COL4A3: variants seen among roughly 807,000 people sequenced by gnomAD.
COL4A3 encodes the protein collagen alpha-3(IV) chain.
Under a neutral mutation model 217.4 loss-of-function variants are expected in COL4A3, and 135 were observed. The ratio of observed to expected loss-of-function variants is 0.62; its 90% confidence interval spans 0.54 to 0.72. The LOEUF is 0.72. COL4A3 is among the 30% of genes least tolerant of loss of function. The probability of loss-of-function intolerance (pLI) is 0.00; values close to 1 mark genes in which losing one functional copy is unlikely to be tolerated. For synonymous variants in COL4A3, 690 were observed against 736.3 expected (o/e 0.94, Z 1.02); for missense variants, 1,868 against 2,119.9 (o/e 0.88, Z 2.33).
At chr2:227,261,613 T>C (rs1011636075) in intron 20 of COL4A3, among the ~76,000 whole-genome samples, 2 of 152,220 alleles carry the variant, frequency 1.3e-5, no homozygotes, top group Admixed American at 1.3e-4. Context: ...TACAAACTGA[T>C]ACAGAAATGC....
At chr2:227,298,473 G>A (rs1036174829) in intron 42 of COL4A3, among the ~76,000 whole-genome samples, 15 of 152,198 alleles carry the variant, frequency 9.9e-5, no homozygotes, top group African/African-American at 3.4e-4. Flanking sequence ...CCCTCACTGG[G>A]GAGAAGCAGA....
chr2:227,266,590 C>A, intron 22 of COL4A3, 81 bp downstream of exon 22: 1 of 1,051,812 alleles, frequency 9.5e-7, no homozygotes, highest in South Asian at 1.3e-5. Context: ...CCTGAGATAA[C>A]AATGATCCCA....
chr2:227,311,261 A>G (rs1001169001), intron 51 of COL4A3, among the ~76,000 whole-genome samples: 4 of 152,144 alleles, frequency 2.6e-5, no homozygotes, highest in Admixed American at 1.3e-4. Flanking sequence ...ATCAAGGCCT[A>G]TGTTTCTTTA....
At chr2:227,294,606 G>A in intron 39 of COL4A3, 36 bp downstream of exon 39, 1 of 1,399,964 alleles carries the variant, frequency 7.1e-7, no homozygotes, top group East Asian at 2.3e-5. Context: ...TCCTTTTCAT[G>A]TGGGAGACAC....
At chr2:227,233,806 T>A (rs1307294524) in intron 1 of COL4A3, among the ~76,000 whole-genome samples, 1 of 152,070 alleles carries the variant, frequency 6.6e-6, no homozygotes, top group Non-Finnish European at 1.5e-5. Context: ...CATCAGAGCC[T>A]CTCACCCGAC....
At position 227,281,002 on chromosome 2, in the gene COL4A3, A is replaced by C. The variant is rs1216014403; in HGVS notation, c.2484A>C (p.Gln828His). ...GLPGLNGLKGQQGRRGKTGPK... is the reference protein window; with the variant it reads ...GLPGLNGLKGHQGRRGKTGPK... The stretch of plus-strand genomic sequence containing the variant: ...CAGGCTTAAATGGATTGAAAGGGCA[A>C]CAAGGTAGGAGGAGGGCCTCAAAAC... Residue 828 changes from glutamine to histidine, a missense_variant, in exon 31 of 52, where the codon CAA (glutamine) becomes CAC (histidine). By Grantham distance (24) the Gln-to-His change is conservative. Around this residue, in one of 2 missense-constraint regions of COL4A3, gnomAD observed 1,503 missense variants for 1,786.1 expected, o/e 0.84. Coordinates refer to ENST00000396578, the MANE Select transcript of COL4A3 (RefSeq NM_000091.5). 2.6e-6 allele frequency: 4 copies of C among 1,555,946 alleles called. No individual in the cohort carries two copies. The highest frequency in any genetic ancestry group is 4.8e-5 in the East Asian group (2 of 41,412).
intron 1 of COL4A3, among the ~76,000 whole-genome samples, chr2:227,192,058 G>A (rs2066263615): frequency 6.6e-6 from 1 of 152,144 alleles, no homozygotes; most frequent in African/African-American, 2.4e-5. Flanking sequence ...CTAAATTCAA[G>A]CATTCATTTT....
rs899375646 is a variant in COL4A3, at chr2:227,307,867, G to A, written c.4410G>A (p.Gly1470=). 2.5e-6 allele frequency: 4 copies of A among 1,614,114 alleles called. No individual in the cohort carries two copies. In the South Asian group the frequency reaches 3.3e-5, roughly 13 times the overall value. ...CPEGTVPLYS[G]FSFLFVQGNQ... ...AGGGGACAGTGCCACTCTACAGTGG[G>A]TTTTCTTTTCTTTTTGTACAAGGAA... The change falls in exon 48 of 52, where the codon GGG becomes GGA. Residue 1470 remains glycine (G), a synonymous_variant. Transcript: ENST00000396578.
intron 1 of COL4A3, among the ~76,000 whole-genome samples, chr2:227,232,142 C>T (rs1443727332): frequency 6.6e-6 from 1 of 152,148 alleles, no homozygotes; most frequent in African/African-American, 2.4e-5. Context: ...ACTTGATCTC[C>T]TTCTTTTTTG....
chr2:227,164,955 C>A lies in COL4A3; in HGVS notation c.87+142C>A. 9.3e-7 allele frequency: 1 copy of A among 1,070,450 alleles called. No individual in the cohort carries two copies. Among genetic ancestry groups the A allele is most frequent in the Non-Finnish European group, 1.3e-6 (1 of 789,226 alleles). The allele number at this position is 1,070,450 out of a possible 1,614,324, so 66.3% of individuals were successfully genotyped here. Reference sequence around the variant, plus strand: ...GCGAGGCTGAGGGCTTCACGCAGGTCCCGGGACAGGCAGCGAGCGGAAGGG... The same window carrying A: ...GCGAGGCTGAGGGCTTCACGCAGGTACCGGGACAGGCAGCGAGCGGAAGGG... On this transcript the variant is annotated intron_variant, in intron 1 of 51. Transcript: ENST00000396578. The surrounding 1 kb of genome is among the most constrained non-coding windows in gnomAD (Gnocchi z 4.8).
intron 1 of COL4A3, among the ~76,000 whole-genome samples, chr2:227,206,056 G>C (rs1009027684): frequency 1.3e-5 from 2 of 149,172 alleles, no homozygotes; most frequent in African/African-American, 5.2e-5. Context: ...TGGGCATTAG[G>C]GTTTTTAAGA....
intron 3 of COL4A3, 59 bp downstream of exon 3, chr2:227,240,291 C>G: frequency 2.0e-6 from 3 of 1,469,422 alleles, no homozygotes; most frequent in Non-Finnish European, 2.8e-6. Context: ...TCCTGCCTAC[C>G]CCCTGGCTGC....
In COL4A3 at chr2:227,304,311, T is replaced by C; in HGVS notation, c.4153+167T>C. The C allele has an allele frequency of 5.0e-6, 4 of 792,486 alleles. 1 individual carries two copies. In the South Asian group the frequency reaches 6.6e-5, roughly 13 times the overall value. The allele number at this position is 792,486 out of a possible 1,614,324, so 49.1% of individuals were successfully genotyped here. The stretch of plus-strand genomic sequence containing the variant: ...GCTCATTTTACCCTTGACCAGCAAA[T>C]AAAAGACCTTGGAATCTATTGAAAG... On this transcript the variant is annotated intron_variant, in intron 46 of 51. Coordinates refer to ENST00000396578, the MANE Select transcript of COL4A3 (RefSeq NM_000091.5).
chr2:227,310,156 T>C (rs6744077), intron 50 of COL4A3, among the ~76,000 whole-genome samples: 123,522 of 152,216 alleles, frequency 0.81, 51,205 homozygotes, highest in Non-Finnish European at 0.91. Context: ...CAAAGAAAAA[T>C]AGTCTTTTAA....
intron 1 of COL4A3, among the ~76,000 whole-genome samples, chr2:227,168,348 G>T (rs1231467866): frequency 1.3e-5 from 2 of 152,214 alleles, no homozygotes; most frequent in Non-Finnish European, 2.9e-5. Flanking sequence ...GGTGTGCTTA[G>T]ATGTTAATGG....
At chr2:227,252,212 CTTTTTTTTT>C in intron 11 of COL4A3, among the ~76,000 whole-genome samples, 1 of 82,836 alleles carries the variant, frequency 1.2e-5, no homozygotes, top group South Asian at 4.5e-4. Context: ...TTCTTTCTTT[CTTTTTTTTT>C]TTTTTTTTTT....
chr2:227,285,489 ACT>A, intron 34 of COL4A3, among the ~76,000 whole-genome samples: 1 of 151,498 alleles, frequency 6.6e-6, no homozygotes, highest in South Asian at 2.1e-4. Context: ...CTTTTATAAA[ACT>A]CTGCTAGGAC....
rs1286358996 is a variant in COL4A3, at chr2:227,253,275, T to C, written c.646-21T>C. ...TCATATTTATTTTTAGAAAATAATT[T>C]GGTTTTGTGTTTTCTTACAGGGTCA... On this transcript the variant is annotated intron_variant, in intron 11 of 51. Transcript: ENST00000396578. The surrounding 1 kb of genome is among the most constrained non-coding windows in gnomAD (Gnocchi z 4.4). The C allele has an allele frequency of 6.2e-7, 1 of 1,606,490 alleles. No individual in the cohort carries two copies.
chr2:227,267,053 G>T lies in COL4A3; in HGVS notation c.1469G>T (p.Gly490Val), dbSNP rs1159721123. Residue 490 changes from glycine to valine, a missense_variant, in exon 23 of 52, where the codon GGA (glycine) becomes GTA (valine). Transcript: ENST00000396578. Reference sequence around the variant, plus strand: ...ATCCCAGGGCCTCCCGGTCTCCCAGGATTGCCAGGGTTACATGGTGTAAAA... The same window carrying T: ...ATCCCAGGGCCTCCCGGTCTCCCAGTATTGCCAGGGTTACATGGTGTAAAA... ...PYIPGPPGLP[G>V]LPGLHGVKGI... The T allele has an allele frequency of 6.2e-7, 1 of 1,614,072 alleles. No homozygotes were observed. Among genetic ancestry groups the T allele is most frequent in the Non-Finnish European group, 8.5e-7 (1 of 1,179,958 alleles).
Sources: gnomAD v4.1 joint callset for allele counts (sites outside exome capture counted in the v4.1 genomes callset) on GRCh38, gnomAD v4.1.1 for gene constraint, gnomAD v4.1.1 regional missense constraint, Gnocchi (gnomAD v3.1) non-coding constraint, MANE v1.5 for transcripts, NCBI Gene and HGNC (gene_info 2026-07-23, HGNC 2026-07-21) for gene names.